Variants in CRACD observed in about 807,000 individuals in gnomAD.
CRACD encodes the protein capping protein-inhibiting regulator of actin dynamics.
Under a neutral mutation model 106.8 loss-of-function variants are expected in CRACD, and 56 were observed. That is an observed-to-expected ratio of 0.52 (90% confidence interval 0.42 to 0.66). CRACD has a LOEUF of 0.66. Ranked by LOEUF, CRACD falls within the 30% of genes least tolerant of loss-of-function variation. The pLI, the probability that CRACD is intolerant of heterozygous loss-of-function variation, is 0.00. For missense variants in CRACD, 1,730 were observed against 1,623.2 expected, an observed-to-expected ratio of 1.07 and a Z score of -1.13; for synonymous variants, 754 against 670.8, an observed-to-expected ratio of 1.12 and a Z score of -1.92.
At chr4:56,108,129 T>C (rs1560453044) in intron 1 of CRACD, among the ~76,000 whole-genome samples, 1 of 152,172 alleles carries the variant, frequency 6.6e-6, no homozygotes, top group Non-Finnish European at 1.5e-5. Context: ...TTGGTCAGAG[T>C]GGCTAGTTAG....
chr4:56,313,986 C>T, intron 7 of CRACD, 54 bp from the exon 8 acceptor site: 1 of 1,560,002 alleles, frequency 6.4e-7, no homozygotes, highest in Non-Finnish European at 8.7e-7. Flanking sequence ...GGAAAAGGAA[C>T]GACTGTGGGT....
At chr4:56,146,511 T>C (rs1735386210) in intron 1 of CRACD, among the ~76,000 whole-genome samples, 1 of 151,868 alleles carries the variant, frequency 6.6e-6, no homozygotes, top group Admixed American at 6.6e-5. Context: ...GCTGGTGTGC[T>C]GCACCCATTA....
At chr4:56,067,981 G>A (rs983374801) in intron 1 of CRACD, among the ~76,000 whole-genome samples, 2 of 152,220 alleles carry the variant, frequency 1.3e-5, no homozygotes, top group Non-Finnish European at 2.9e-5. Flanking sequence ...TTTAGATCCT[G>A]GAGATGTCCT....
In CRACD at chr4:56,061,132, G is replaced by A. The variant is rs113661701; in HGVS notation, c.-336+11833G>A. ...GTTAAGAGACCTGGCTCTAAGGCCCGGCTTTTTCTCACTCCACTTTTCTGA... is the reference window on the plus strand; with the variant it reads ...GTTAAGAGACCTGGCTCTAAGGCCCAGCTTTTTCTCACTCCACTTTTCTGA... On this transcript the variant is annotated intron_variant, in intron 1 of 10. Transcript: ENST00000682029. Among the ~76,000 whole-genome samples the A allele has an allele frequency of 6.6e-3, 1,008 of 152,188 alleles. 7 individuals carry two copies. The highest frequency in any genetic ancestry group is 0.023 in the African/African-American group (948 of 41,518).
At chr4:56,324,534 A>G (rs1050559245) in intron 10 of CRACD, among the ~76,000 whole-genome samples, 2 of 152,146 alleles carry the variant, frequency 1.3e-5, no homozygotes, top group Non-Finnish European at 2.9e-5. Flanking sequence ...AGCATCTTCA[A>G]TTTCTCAGTG....
intron 1 of CRACD, among the ~76,000 whole-genome samples, chr4:56,050,604 C>G (rs1320123630): frequency 2.6e-5 from 4 of 152,078 alleles, no homozygotes; most frequent in Non-Finnish European, 5.9e-5. Flanking sequence ...ACTACTGTCT[C>G]CTTTATCCTT....
intron 2 of CRACD, among the ~76,000 whole-genome samples, chr4:56,240,384 G>A (rs373785405): frequency 2.6e-5 from 4 of 152,150 alleles, no homozygotes; most frequent in South Asian, 2.1e-4. Context: ...ACTCATCAAC[G>A]CTGTTTTCTG....
At chr4:56,053,268 A>AAC (rs1352505079) in intron 1 of CRACD, among the ~76,000 whole-genome samples, 1 of 152,190 alleles carries the variant, frequency 6.6e-6, no homozygotes, top group African/African-American at 2.4e-5. Flanking sequence ...TTTACTTTGT[A>AAC]AAGTACTTTA....
At chr4:56,224,587 A>G (rs1989619714) in intron 2 of CRACD, among the ~76,000 whole-genome samples, 1 of 152,252 alleles carries the variant, frequency 6.6e-6, no homozygotes, top group Admixed American at 6.5e-5. Context: ...AATGGCTATT[A>G]TTAAAAAGTC....
chr4:56,156,908 T>C (rs1479105859), intron 1 of CRACD, among the ~76,000 whole-genome samples: 3 of 152,236 alleles, frequency 2.0e-5, no homozygotes, highest in Admixed American at 2.0e-4. Context: ...CACTAGAATG[T>C]ATGTTCTGTA....
chr4:56,226,032 C>G (rs1468181685), intron 2 of CRACD, among the ~76,000 whole-genome samples: 1 of 152,050 alleles, frequency 6.6e-6, no homozygotes, highest in Non-Finnish European at 1.5e-5. Flanking sequence ...TGAATGGAAC[C>G]CTGAAAGTGA....
intron 2 of CRACD, among the ~76,000 whole-genome samples, chr4:56,256,361 C>T (rs1385271511): frequency 6.6e-6 from 1 of 152,186 alleles, no homozygotes; most frequent in African/African-American, 2.4e-5. Flanking sequence ...TGTGAGGCCT[C>T]CCCAGCCCCA....
chr4:56,288,018 G>C (rs1743470592), intron 3 of CRACD, among the ~76,000 whole-genome samples: 1 of 152,168 alleles, frequency 6.6e-6, no homozygotes, highest in South Asian at 2.1e-4. Context: ...TGGGTTCATG[G>C]TATTTGAACC....
intron 2 of CRACD, among the ~76,000 whole-genome samples, chr4:56,214,279 A>G (rs139322156): frequency 1.9e-3 from 291 of 152,172 alleles, no homozygotes; most frequent in African/African-American, 6.5e-3. Context: ...AAAATAACAA[A>G]CCTGCACATG....
chr4:56,298,424 G>A, intron 4 of CRACD, 75 bp downstream of exon 4: 1 of 1,573,894 alleles, frequency 6.4e-7, no homozygotes, highest in Admixed American at 1.8e-5. Context: ...AAAGTCCCGA[G>A]CTTGGCCTTG....
intron 1 of CRACD, among the ~76,000 whole-genome samples, chr4:56,105,057 G>A (rs1406728885): frequency 6.6e-6 from 1 of 151,866 alleles, no homozygotes; most frequent in African/African-American, 2.4e-5. Context: ...ATACTTGCCT[G>A]TAGAATATTA....
At chr4:56,181,657 G>T (rs1055523929) in intron 2 of CRACD, among the ~76,000 whole-genome samples, 1 of 152,156 alleles carries the variant, frequency 6.6e-6, no homozygotes, top group Non-Finnish European at 1.5e-5. Flanking sequence ...ACACATCAAA[G>T]GGAAACCTTC....
chr4:56,291,134 T>G (rs1228388841), intron 3 of CRACD, among the ~76,000 whole-genome samples: 1 of 152,180 alleles, frequency 6.6e-6, no homozygotes, highest in African/African-American at 2.4e-5. Context: ...GAAGAGAAGG[T>G]TCCCACCTGG....
chr4:56,292,580 A>G (rs1004873136), intron 3 of CRACD, among the ~76,000 whole-genome samples: 1 of 151,580 alleles, frequency 6.6e-6, no homozygotes, highest in Non-Finnish European at 1.5e-5. Context: ...GCTGGAGTGC[A>G]GTGGCACAGT....
Sources: allele counts gnomAD v4.1 joint callset (sites outside exome capture counted in the v4.1 genomes callset), GRCh38; gene constraint gnomAD v4.1.1; transcripts MANE v1.5; gene names NCBI Gene and HGNC (gene_info 2026-07-23, HGNC 2026-07-21).